Variants in ENAH observed in about 807,000 individuals in gnomAD.
The protein encoded by ENAH is protein enabled homolog.
In ENAH, 23 loss-of-function variants were observed where a neutral mutation model predicts 78.7. That is an observed-to-expected ratio of 0.29 (90% CI 0.21 to 0.41). The LOEUF (loss-of-function observed/expected upper bound fraction) is 0.41. ENAH is among the 10% of genes least tolerant of loss of function. ENAH has a pLI of 1.00. For missense variants in ENAH, 544 were observed against 691.0 expected, an observed-to-expected ratio of 0.79 and a Z score of 2.39; for synonymous variants, 226 against 241.0, an observed-to-expected ratio of 0.94 and a Z score of 0.58.
chr1:225,565,561 G>A (rs750670832), intron 2 of ENAH, among the ~76,000 whole-genome samples: 19 of 152,044 alleles, frequency 1.2e-4, no homozygotes, highest in Non-Finnish European at 2.4e-4. Context: ...CAAAAACGTA[G>A]TTTCTTTACA....
intron 4 of ENAH, chr1:225,524,675 CATTGTT>C (rs1243344609): frequency 2.4e-6 from 2 of 820,280 alleles, no homozygotes; most frequent in African/African-American, 1.3e-4. Flanking sequence ...ATTGTTCCAA[CATTGTT>C]CCAACTGCTC....
intron 6 of ENAH, 40 bp downstream of exon 6, chr1:225,517,156 T>C (rs1261313935): frequency 6.9e-7 from 1 of 1,456,726 alleles, no homozygotes; most frequent in East Asian, 2.5e-5. Flanking sequence ...TATAACATTT[T>C]CAAGTGATTA....
intron 1 of ENAH, among the ~76,000 whole-genome samples, chr1:225,598,683 G>GA (rs924186797): frequency 6.6e-5 from 10 of 151,540 alleles, no homozygotes; most frequent in Non-Finnish European, 1.5e-4. Flanking sequence ...AAAAGGGATG[G>GA]AAAAAAATAA....
chr1:225,542,951 C>T (rs572074485), intron 3 of ENAH, among the ~76,000 whole-genome samples: 1 of 150,856 alleles, frequency 6.6e-6, no homozygotes, highest in Middle Eastern at 3.4e-3. Context: ...TGCAGGAATT[C>T]GAGGTTACAG....
intron 6 of ENAH, 24 bp downstream of exon 6, chr1:225,517,172 T>C: frequency 2.0e-6 from 3 of 1,481,132 alleles, no homozygotes; most frequent in Non-Finnish European, 2.7e-6. Context: ...GATTAGCTGT[T>C]AGTAGCAATA....
intron 1 of ENAH, among the ~76,000 whole-genome samples, chr1:225,644,041 A>G (rs1479869778): frequency 6.6e-6 from 1 of 152,176 alleles, no homozygotes; most frequent in Non-Finnish European, 1.5e-5. Flanking sequence ...ATTTTTAAAT[A>G]GTATAATCTT....
At chr1:225,637,834 G>A (rs1660335037) in intron 1 of ENAH, among the ~76,000 whole-genome samples, 1 of 152,126 alleles carries the variant, frequency 6.6e-6, no homozygotes, top group Admixed American at 6.6e-5. Flanking sequence ...GAGGTGCAAG[G>A]ATGGCTTGAG....
At chr1:225,524,541 TA>T (rs2096491017) in intron 4 of ENAH, 2 of 902,030 alleles carry the variant, frequency 2.2e-6, no homozygotes, top group African/African-American at 3.6e-5. Context: ...GGATAAAATG[TA>T]ATAAGACAGC....
At chr1:225,503,658 C>CAAAAAAAAAAAAAAAAAAAAAAAAA (rs10683254) in intron 11 of ENAH, among the ~76,000 whole-genome samples, 2 of 82,948 alleles carry the variant, frequency 2.4e-5, no homozygotes, top group Non-Finnish European at 4.4e-5. Flanking sequence ...CAAACCACCT[C>CAAAAAAAAAAAAAAAAAAAAAAAAA]AAAAAAAAAA....
chr1:225,645,700 T>A (rs1278259582), intron 1 of ENAH, among the ~76,000 whole-genome samples: 1 of 152,252 alleles, frequency 6.6e-6, no homozygotes, highest in Non-Finnish European at 1.5e-5. Context: ...TTTACTCTTA[T>A]CAAGCTCATT....
chr1:225,652,274 G>A, intron 1 of ENAH: 7 of 930,176 alleles, frequency 7.5e-6, no homozygotes, highest in Non-Finnish European at 9.0e-6. Flanking sequence ...CGAGAGTTCG[G>A]AGGCAAAAGT....
intron 1 of ENAH, among the ~76,000 whole-genome samples, chr1:225,610,525 G>T (rs2096982668): frequency 6.6e-6 from 1 of 152,076 alleles, no homozygotes; most frequent in Admixed American, 6.6e-5. Flanking sequence ...TCCCAAGTAT[G>T]CTTGCATTTC....
At chr1:225,634,116 T>C (rs1278047692) in intron 1 of ENAH, among the ~76,000 whole-genome samples, 1 of 152,210 alleles carries the variant, frequency 6.6e-6, no homozygotes. Flanking sequence ...AATGAGCTTA[T>C]GATTTTTAGG....
chr1:225,616,798 C>T (rs1199674949), intron 1 of ENAH, among the ~76,000 whole-genome samples: 1 of 152,056 alleles, frequency 6.6e-6, no homozygotes, highest in Non-Finnish European at 1.5e-5. Flanking sequence ...ACTAACTCCA[C>T]CCATTAAATT....
rs1324503098 is a variant in ENAH at position 225,530,633 on chromosome 1, T to C, written c.355A>G (p.Thr119Ala). Residue 119 changes from threonine (T) to alanine (A), a missense_variant, in exon 4 of 14, where the codon ACA becomes GCA. Physicochemically the swap from Thr to Ala is moderately conservative, Grantham distance 58. Coordinates refer to ENST00000366843, the MANE Select transcript of ENAH (RefSeq NM_018212.6). ...EVLNSQETGP[T>A]LPRQNSQLPA... ...AGTTGTGAGTTTTGTCTAGGCAATG[T>C]TGGCCCTACAGAGGGAGAAAACATT... is the stretch of plus-strand genomic sequence containing the variant. 1.2e-6 allele frequency: 2 copies of C among 1,612,488 alleles called. No individual in the cohort carries two copies. Among genetic ancestry groups the C allele is most frequent in the South Asian group, 1.1e-5 (1 of 90,996 alleles).
chr1:225,542,003 CTT>C (rs2096591675), intron 3 of ENAH, among the ~76,000 whole-genome samples: 2 of 152,152 alleles, frequency 1.3e-5, no homozygotes, highest in African/African-American at 4.8e-5. Flanking sequence ...ACCTCAGTCT[CTT>C]GAGTATCTGG....
At chr1:225,499,310 T>C (rs1176287344) in intron 12 of ENAH, among the ~76,000 whole-genome samples, 1 of 149,668 alleles carries the variant, frequency 6.7e-6, no homozygotes, top group Non-Finnish European at 1.5e-5. Flanking sequence ...ACTAGAAAAA[T>C]TTTAAAATAT....
intron 4 of ENAH, among the ~76,000 whole-genome samples, chr1:225,520,914 A>G (rs1437008937): frequency 2.2e-5 from 2 of 91,012 alleles, no homozygotes; most frequent in East Asian, 3.9e-4. Context: ...GAAGGGAAGG[A>G]AGGGAGGAAG....
At chr1:225,552,055 T>C (rs913348521) in intron 3 of ENAH, among the ~76,000 whole-genome samples, 2 of 152,020 alleles carry the variant, frequency 1.3e-5, no homozygotes, top group African/African-American at 4.8e-5. Flanking sequence ...CCATATAATG[T>C]TGGGGTAGGG....
Sources: allele counts gnomAD v4.1 joint callset (sites outside exome capture counted in the v4.1 genomes callset), GRCh38; gene constraint gnomAD v4.1.1; transcripts MANE v1.5; gene names NCBI Gene and HGNC (gene_info 2026-07-23, HGNC 2026-07-21).